Variants in MIS18BP1 observed in about 807,000 individuals in gnomAD.
MIS18BP1 encodes the protein MIS18 binding protein 1.
Under a neutral mutation model 116.1 loss-of-function variants are expected in MIS18BP1, and 72 were observed. That is an observed-to-expected ratio of 0.62 (90% confidence interval 0.51 to 0.75). The LOEUF (loss-of-function observed/expected upper bound fraction) is 0.75. Among genes scored for constraint, MIS18BP1 ranks in the 30% least tolerant of loss-of-function variants. The probability of loss-of-function intolerance (pLI) is 0.00; values close to 1 mark genes in which losing one functional copy is unlikely to be tolerated. For synonymous variants in MIS18BP1, 386 were observed against 427.0 expected (o/e 0.90, Z 1.18); for missense variants, 1,363 against 1,303.2 (o/e 1.05, Z -0.71).
At position 45,224,329 on chromosome 14, in the gene MIS18BP1, T is replaced by G; in HGVS notation, c.2258A>C (p.Lys753Thr). The change falls in exon 11 of 17, where the codon AAA (lysine) becomes ACA (threonine). Residue 753 changes from lysine (K) to threonine (T), a missense_variant. Physicochemically the swap from Lys to Thr is moderately conservative, Grantham distance 78. Transcript: ENST00000310806. ...TGACATAGCTACCTGATTTTCTATT[T>G]TCTTCAATTTTGGTAATAGTCTGGT... ...KNTRLLPKLKKIENQVAMSFY... is the reference protein window; with the variant it reads ...KNTRLLPKLKTIENQVAMSFY... 1.2e-6 allele frequency: 2 copies of G among 1,613,960 alleles called. No individual in the cohort carries two copies. Among genetic ancestry groups the G allele is most frequent in the Middle Eastern group, 3.3e-4 (2 of 6,058 alleles).
chr14:45,223,611 C>T (rs1566809461), intron 11 of MIS18BP1, among the ~76,000 whole-genome samples: 1 of 152,076 alleles, frequency 6.6e-6, no homozygotes, highest in Non-Finnish European at 1.5e-5. Context: ...CAAAAAAATG[C>T]ATTTCTTAAA....
chr14:45,247,729 T>C (rs1891760257), intron 1 of MIS18BP1, among the ~76,000 whole-genome samples: 1 of 151,940 alleles, frequency 6.6e-6, no homozygotes, highest in Non-Finnish European at 1.5e-5. Context: ...TAAAACAAAA[T>C]AAAAGATATA....
Position 45,224,669 on chromosome 14 carries a change from A to G in MIS18BP1, c.1918T>C (p.Tyr640His), listed in dbSNP as rs1891076931. Residue 640 changes from tyrosine to histidine, a missense_variant, in exon 11 of 17, where the codon TAC (tyrosine) becomes CAC (histidine). Coordinates refer to ENST00000310806, the MANE Select transcript of MIS18BP1 (RefSeq NM_018353.5). ...EQFFSDEERKYMAINQKKAYI... is the reference protein window; with the variant it reads ...EQFFSDEERKHMAINQKKAYI... The stretch of plus-strand genomic sequence containing the variant: ...GCTTTCTTCTGATTGATGGCCATGT[A>G]TTTTCTTTCTTCATCTGAGAAAAAC... 6.2e-7 allele frequency: 1 copy of G among 1,611,944 alleles called. No individual in the cohort carries two copies. Among genetic ancestry groups the G allele is most frequent in the Non-Finnish European group, 8.5e-7 (1 of 1,179,446 alleles).
chr14:45,220,429 G>A (rs538476370), intron 11 of MIS18BP1, among the ~76,000 whole-genome samples: 1 of 152,282 alleles, frequency 6.6e-6, no homozygotes, highest in East Asian at 1.9e-4. Flanking sequence ...TATTGGAAGT[G>A]GGGCCTAGGG....
chr14:45,238,830 A>T (rs1013953658), intron 4 of MIS18BP1, among the ~76,000 whole-genome samples: 7 of 152,126 alleles, frequency 4.6e-5, no homozygotes, highest in Non-Finnish European at 1.0e-4. Context: ...AAAATAAAAA[A>T]TTATAAGTAG....
chr14:45,224,648 T>G lies in MIS18BP1; in HGVS notation c.1939A>C (p.Lys647Gln). 6.2e-7 allele frequency: 1 copy of G among 1,613,334 alleles called. No individual in the cohort carries two copies. Among genetic ancestry groups the G allele is most frequent in the Non-Finnish European group, 8.5e-7 (1 of 1,179,778 alleles). ...AGTGGTGTTACTAAAATATAAGCTT[T>G]CTTCTGATTGATGGCCATGTATTTT... is the stretch of plus-strand genomic sequence containing the variant. The part of the protein sequence containing the change: ...ERKYMAINQK[K>Q]AYILVTPLKS... The change falls in exon 11 of 17, where the codon AAA (lysine) becomes CAA (glutamine). Residue 647 changes from lysine to glutamine, a missense_variant. By Grantham distance (53) the Lys-to-Gln change is moderately conservative. Transcript: ENST00000310806.
chr14:45,215,309 G>C (rs972912764), intron 13 of MIS18BP1, among the ~76,000 whole-genome samples: 2 of 152,120 alleles, frequency 1.3e-5, no homozygotes, highest in Non-Finnish European at 2.9e-5. Flanking sequence ...TTTATGACAA[G>C]AAATTGGTAG....
intron 4 of MIS18BP1, among the ~76,000 whole-genome samples, chr14:45,240,439 T>A (rs894676914): frequency 7.9e-5 from 12 of 151,856 alleles, no homozygotes; most frequent in Non-Finnish European, 1.3e-4. Context: ...CCCTTTCAAT[T>A]GCCCCCTCAA....
intron 2 of MIS18BP1, 114 bp downstream of exon 2, chr14:45,246,629 G>A: frequency 1.1e-6 from 1 of 908,950 alleles, no homozygotes; most frequent in Non-Finnish European, 1.6e-6. Context: ...AGCTACACAA[G>A]GGCAAGGATT....
Position 45,204,425 on chromosome 14 carries a change from G to T in MIS18BP1, c.3269C>A (p.Pro1090Gln), listed in dbSNP as rs201345640. 6.2e-7 allele frequency: 1 copy of T among 1,604,988 alleles called. No individual in the cohort carries two copies. Among genetic ancestry groups the T allele is most frequent in the Admixed American group, 1.7e-5 (1 of 57,640 alleles). The change falls in exon 16 of 17, where the codon CCA (proline) becomes CAA (glutamine). Residue 1090 changes from proline (P) to glutamine (Q), a missense_variant. Physicochemically the swap from Pro to Gln is moderately conservative, Grantham distance 76 (BLOSUM62 -1). Transcript: ENST00000310806. ...LVETDFSTPT[P>Q]RRKTPFNTDL... ...TGTGTTAAATGGGGTTTTCCTTCTT[G>T]GTGTTGGAGTTGAGAAATCAGTTTC...
intron 8 of MIS18BP1, 35 bp downstream of exon 8, chr14:45,231,106 C>T: frequency 1.3e-6 from 2 of 1,598,986 alleles, no homozygotes; most frequent in Non-Finnish European, 1.7e-6. Context: ...AGAACTTAAC[C>T]ACTGTACCAA....
intron 6 of MIS18BP1, among the ~76,000 whole-genome samples, chr14:45,234,584 TA>T (rs763338124): frequency 1.1e-4 from 17 of 151,812 alleles, no homozygotes; most frequent in South Asian, 6.2e-4. Context: ...TGAGAGAGGG[TA>T]AAAAGGAGGA....
chr14:45,210,456 A>T lies in MIS18BP1; in HGVS notation c.3076T>A (p.Ser1026Thr). Reference protein sequence around the residue: ...PNMDKNPTTPSSVIFPLVKTP... With the variant: ...PNMDKNPTTPTSVIFPLVKTP... ...TTTACCAATGGAAAGATAACTGATG[A>T]TGGAGTTGTTGGATTTTTGTCCATA... The change falls in exon 14 of 17, where the codon TCA becomes ACA. Residue 1026 changes from serine (S) to threonine (T), a missense_variant. Coordinates refer to ENST00000310806, the MANE Select transcript of MIS18BP1 (RefSeq NM_018353.5). The T allele has an allele frequency of 1.2e-6, 2 of 1,614,044 alleles. No homozygotes were observed. The highest frequency in any genetic ancestry group is 1.1e-5 in the South Asian group (1 of 91,082).
At chr14:45,210,232 C>A in intron 14 of MIS18BP1, 148 bp downstream of exon 14, 1 of 755,756 alleles carries the variant, frequency 1.3e-6, no homozygotes, top group South Asian at 2.2e-5. Context: ...ATGAACTTGT[C>A]CATCCTTAAC....
At chr14:45,218,227 T>C in intron 12 of MIS18BP1, 55 bp downstream of exon 12, 5 of 1,476,290 alleles carry the variant, frequency 3.4e-6, no homozygotes, top group Non-Finnish European at 4.6e-6. Flanking sequence ...CTGATTTCAG[T>C]GATCAGAAAT....
chr14:45,210,416 T>C lies in MIS18BP1; in HGVS notation c.3116A>G (p.Gln1039Arg), dbSNP rs754759787. 3 of 1,614,040 alleles carry C rather than the reference T, an allele frequency of 1.9e-6. No homozygotes were observed. Among genetic ancestry groups the C allele is most frequent in the East Asian group, 2.2e-5 (1 of 44,854 alleles). The change falls in exon 14 of 17, where the codon CAG (glutamine) becomes CGG (arginine). Residue 1039 changes from glutamine to arginine, a missense_variant. Gln to Arg is a conservative substitution (Grantham distance 43). Transcript: ENST00000310806. ...ACCTAGCATGCCAGGACTGACATGCTGACATTGAGGAGTTTTTACCAATGG... is the reference window on the plus strand; with the variant it reads ...ACCTAGCATGCCAGGACTGACATGCCGACATTGAGGAGTTTTTACCAATGG... ...IFPLVKTPQCQHVSPGMLGSI... is the reference protein window; with the variant it reads ...IFPLVKTPQCRHVSPGMLGSI...
At chr14:45,236,192 A>T (rs1340233891) in intron 5 of MIS18BP1, among the ~76,000 whole-genome samples, 1 of 152,234 alleles carries the variant, frequency 6.6e-6, no homozygotes, top group Non-Finnish European at 1.5e-5. Flanking sequence ...AAGGGAGCAG[A>T]GGCCTTGTCT....
At position 45,210,372 on chromosome 14, in the gene MIS18BP1, A is replaced by ATATT; in HGVS notation, c.3152+4_3152+7dup. On this transcript the variant is annotated splice_region_variant and intron_variant, in intron 14 of 16. Coordinates refer to ENST00000310806, the MANE Select transcript of MIS18BP1 (RefSeq NM_018353.5). ...GAGAATTAACATATCATATGCATGA[A>ATATT]TATTTACCTATTTATAGAACCTAGC... 6.2e-7 allele frequency: 1 copy of ATATT among 1,612,414 alleles called. No individual in the cohort carries two copies. The highest frequency in any genetic ancestry group is 2.2e-5 in the East Asian group (1 of 44,842).
intron 8 of MIS18BP1, among the ~76,000 whole-genome samples, chr14:45,230,723 G>A (rs115601142): frequency 2.5e-3 from 382 of 152,240 alleles, no homozygotes; most frequent in African/African-American, 8.6e-3. Context: ...GAGCTCAAGC[G>A]ATCCTCCCAC....
Sources: allele counts gnomAD v4.1 joint callset (sites outside exome capture counted in the v4.1 genomes callset), GRCh38; gene constraint gnomAD v4.1.1; transcripts MANE v1.5; gene names NCBI Gene and HGNC (gene_info 2026-07-23, HGNC 2026-07-21).